KY: variants seen among roughly 807,000 people sequenced by gnomAD.
KY encodes kyphoscoliosis peptidase.
A neutral mutation model predicts 76.1 loss-of-function variants in KY; 43 were observed. That is an observed-to-expected ratio of 0.57 (90% CI 0.44 to 0.73). KY has a LOEUF of 0.73. Ranked by LOEUF, KY falls within the 30% of genes least tolerant of loss-of-function variation. KY has a pLI of 0.00. For synonymous variants in KY, 277 were observed against 326.2 expected, an observed-to-expected ratio of 0.85 and a Z score of 1.63; for missense variants, 722 against 828.9, an observed-to-expected ratio of 0.87 and a Z score of 1.58.
At chr3:134,617,542 A>G (rs1961784184) in intron 8 of KY, among the ~76,000 whole-genome samples, 1 of 152,232 alleles carries the variant, frequency 6.6e-6, no homozygotes, top group South Asian at 2.1e-4. Context: ...ACAGTCTGGA[A>G]AGTAATATGA....
chr3:134,646,672 C>T (rs968961893), intron 2 of KY, among the ~76,000 whole-genome samples: 1 of 152,128 alleles, frequency 6.6e-6, no homozygotes, highest in African/African-American at 2.4e-5. Context: ...CCATTTGTGT[C>T]ATGGAGGGTG....
intron 5 of KY, among the ~76,000 whole-genome samples, chr3:134,627,470 C>G (rs1298951365): frequency 6.6e-6 from 1 of 152,164 alleles, no homozygotes; most frequent in Non-Finnish European, 1.5e-5. Context: ...TTAACATAAT[C>G]CTGAATTACG....
chr3:134,607,723 G>T, intron 10 of KY: 1 of 985,864 alleles, frequency 1.0e-6, no homozygotes, highest in Non-Finnish European at 1.2e-6. Flanking sequence ...ATACTCAGCT[G>T]CCATGGCTCC....
At chr3:134,640,021 T>C (rs1157065790) in intron 3 of KY, 1 of 153,560 alleles carries the variant, frequency 6.5e-6, no homozygotes, top group Non-Finnish European at 1.4e-5. Flanking sequence ...TTACTCTCCT[T>C]ACAAATTCAT....
intron 1 of KY, 29 bp downstream of exon 1, chr3:134,650,796 C>T: frequency 3.9e-6 from 6 of 1,541,234 alleles, no homozygotes; most frequent in Non-Finnish European, 5.2e-6. Context: ...TGCCGGGGGA[C>T]CCGGGGACCC....
intron 6 of KY, among the ~76,000 whole-genome samples, chr3:134,621,743 G>A (rs1962652840): frequency 1.3e-5 from 2 of 152,162 alleles, no homozygotes; most frequent in South Asian, 2.1e-4. Flanking sequence ...AAAAATTTCT[G>A]TGCATTAAAG....
Position 134,602,866 on chromosome 3 carries a change from C to T in KY, c.*713G>A, listed in dbSNP as rs1959028732. Among the ~76,000 whole-genome samples, 1 of 152,242 alleles carries T rather than the reference C, an allele frequency of 6.6e-6. No homozygotes were observed. The highest frequency in any genetic ancestry group is 1.9e-4 in the East Asian group (1 of 5,196). On this transcript the variant is annotated 3_prime_UTR_variant, in exon 11 of 11. Transcript: ENST00000423778. ...ACAGCCACAGCGGGCATGGGCTGCT[C>T]TTTGCTTTGCAGTCTCCTCACAACT...
At chr3:134,615,765 C>T (rs1358818410) in intron 8 of KY, among the ~76,000 whole-genome samples, 1 of 152,200 alleles carries the variant, frequency 6.6e-6, no homozygotes, top group African/African-American at 2.4e-5. Context: ...TCCCAGAAGG[C>T]TTAGATGGCC....
intron 1 of KY, among the ~76,000 whole-genome samples, chr3:134,649,494 C>A (rs900909138): frequency 3.3e-5 from 5 of 152,212 alleles, no homozygotes; most frequent in South Asian, 2.1e-4. Flanking sequence ...GTATTCAGAG[C>A]AGTCTCATTT....
intron 7 of KY, 64 bp downstream of exon 7, chr3:134,620,685 G>A: frequency 8.7e-7 from 1 of 1,146,938 alleles, no homozygotes; most frequent in Non-Finnish European, 1.3e-6. Flanking sequence ...GCTGATAGGA[G>A]CAGAGGCCTG....
intron 2 of KY, 77 bp downstream of exon 2, chr3:134,647,358 A>C (rs995517131): frequency 8.3e-7 from 1 of 1,205,388 alleles, no homozygotes; most frequent in East Asian, 2.5e-5. Context: ...CTAGTCTTCA[A>C]ATGAGTGAAA....
At position 134,650,934 on chromosome 3, in the gene KY, A is replaced by G. The variant is rs1329836439; in HGVS notation, c.27T>C (p.Ala9=). MELKKDIN[A]VSIDMLLIVH... ...CGATCAGCAGCATGTCGATAGATAC[A>G]GCGTTGATGTCCTTCTTCAGCTCCA... Residue 9 remains alanine (A), a synonymous_variant, in exon 1 of 11, where the codon GCT becomes GCC. Coordinates refer to ENST00000423778, the MANE Select transcript of KY (RefSeq NM_178554.6). The G allele has an allele frequency of 3.1e-6, 5 of 1,613,308 alleles. No individual in the cohort carries two copies. The highest frequency in any genetic ancestry group is 4.2e-6 in the Non-Finnish European group (5 of 1,179,520).
At position 134,604,096 on chromosome 3, in the gene KY, A is replaced by G. The variant is rs1248473810; in HGVS notation, c.1469T>C (p.Ile490Thr). ...CSISFSVEEG[I>T]NVLASLHGDD... ...CCCGTGGAGGGAAGCCAGGACATTA[A>G]TGCCCTCCTCCACGCTGAAGCTGAT... is the stretch of plus-strand genomic sequence containing the variant. Residue 490 changes from isoleucine (I) to threonine (T), a missense_variant, in exon 11 of 11, where the codon ATT becomes ACT. Around this residue, in one of 2 missense-constraint regions of KY, gnomAD observed 552 missense variants for 680.9 expected, o/e 0.81. Transcript: ENST00000423778. 1 of 1,612,960 alleles carries G rather than the reference A, an allele frequency of 6.2e-7. No homozygotes were observed. Among genetic ancestry groups the G allele is most frequent in the Middle Eastern group, 1.7e-4 (1 of 6,044 alleles).
intron 8 of KY, among the ~76,000 whole-genome samples, chr3:134,611,543 A>C (rs1960457211): frequency 6.6e-6 from 1 of 152,250 alleles, no homozygotes. Context: ...CCCCTTCCTC[A>C]AGACATTTTC....
intron 1 of KY, among the ~76,000 whole-genome samples, chr3:134,649,503 T>C (rs1560150460): frequency 6.6e-6 from 1 of 152,186 alleles, no homozygotes; most frequent in African/African-American, 2.4e-5. Context: ...GCAGTCTCAT[T>C]TCTATCAAGA....
chr3:134,622,327 A>T (rs1415864361), intron 6 of KY, among the ~76,000 whole-genome samples: 1 of 152,262 alleles, frequency 6.6e-6, no homozygotes, highest in East Asian at 1.9e-4. Context: ...CATGAATGAA[A>T]GGATAAATAA....
At position 134,608,674 on chromosome 3, in the gene KY, G is replaced by A. The variant is rs371785765; in HGVS notation, c.1065C>T (p.His355=). 6.2e-7 allele frequency: 1 copy of A among 1,614,062 alleles called. No individual in the cohort carries two copies. The highest frequency in any genetic ancestry group is 1.7e-5 in the Admixed American group (1 of 60,038). Residue 355 remains histidine, a synonymous_variant, in exon 10 of 11, where the codon CAC becomes CAT. Coordinates refer to ENST00000423778, the MANE Select transcript of KY (RefSeq NM_178554.6). ...CTGTTCTGATCATGGAAGTCTCTGG[G>A]TGGGCACTCAGCATCCCTTTGTTGT... ...EFYNKGMLSA[H]PETSMIRTVN...
rs770934395 is a variant in KY, at chr3:134,610,310, A to G, written c.784T>C (p.Ser262Pro). 2.5e-6 allele frequency: 4 copies of G among 1,613,666 alleles called. No individual in the cohort carries two copies. In the African/African-American group the frequency reaches 5.3e-5, roughly 22 times the overall value. ...GFGYQTGQSF[S>P]GEFDHAWNAV... ...TTCCAGGCATGGTCAAACTCCCCCGAGAAGCTCTGCCCTGTCTGGTAGCCG... is the reference window on the plus strand; with the variant it reads ...TTCCAGGCATGGTCAAACTCCCCCGGGAAGCTCTGCCCTGTCTGGTAGCCG... Residue 262 changes from serine to proline, a missense_variant, in exon 9 of 11, where the codon TCG (serine) becomes CCG (proline). By Grantham distance (74) the Ser-to-Pro change is moderately conservative. This residue lies in a region of KY where 552 missense variants were observed against 680.9 expected (regional missense o/e 0.81). Transcript: ENST00000423778.
At chr3:134,632,001 G>T (rs1366823380) in intron 3 of KY, among the ~76,000 whole-genome samples, 1 of 152,068 alleles carries the variant, frequency 6.6e-6, no homozygotes, top group African/African-American at 2.4e-5. Context: ...AGCTGGAGTT[G>T]CTATGTTAAT....
Sources: gnomAD v4.1 joint callset for allele counts (sites outside exome capture counted in the v4.1 genomes callset) on GRCh38, gnomAD v4.1.1 for gene constraint, gnomAD v4.1.1 regional missense constraint, MANE v1.5 for transcripts, NCBI Gene and HGNC (gene_info 2026-07-23, HGNC 2026-07-21) for gene names.